The following DSCAM variants were observed in gnomAD, a reference collection of about 807,000 sequenced individuals.
The protein encoded by DSCAM is cell adhesion molecule DSCAM.
Under a neutral mutation model 217.7 loss-of-function variants are expected in DSCAM, and 47 were observed. The ratio of observed to expected loss-of-function variants is 0.22; its 90% CI spans 0.17 to 0.28. The LOEUF is 0.28. Ranked by LOEUF, DSCAM falls within the 10% of genes least tolerant of loss-of-function variation. The probability of loss-of-function intolerance (pLI) is 1.00; values close to 1 mark genes in which losing one functional copy is unlikely to be tolerated. For synonymous variants in DSCAM, 1,056 were observed against 1,015.3 expected (o/e 1.04, Z -0.76); for missense variants, 2,080 against 2,618.3 (o/e 0.79, Z 4.49).
chr21:40,459,305 A>G (rs1028161656), intron 3 of DSCAM, among the ~76,000 whole-genome samples: 1 of 152,172 alleles, frequency 6.6e-6, no homozygotes, highest in Admixed American at 6.5e-5. Flanking sequence ...ATGCTAGAAC[A>G]TACCATTCGA....
chr21:40,391,495 A>G (rs1402224604), intron 3 of DSCAM, among the ~76,000 whole-genome samples: 1 of 152,258 alleles, frequency 6.6e-6, no homozygotes, highest in Admixed American at 6.5e-5. Context: ...TAATACAACC[A>G]TAGAGCATTT....
At chr21:40,725,029 A>C (rs966877498) in intron 1 of DSCAM, among the ~76,000 whole-genome samples, 5 of 151,404 alleles carry the variant, frequency 3.3e-5, no homozygotes, top group African/African-American at 1.2e-4. Flanking sequence ...AAAACTTTGA[A>C]AGACTCTTTA....
intron 3 of DSCAM, among the ~76,000 whole-genome samples, chr21:40,378,168 T>C (rs2074981676): frequency 6.6e-6 from 1 of 152,204 alleles, no homozygotes; most frequent in Non-Finnish European, 1.5e-5. Flanking sequence ...CAACTTAATA[T>C]TGCAAAAATG....
intron 8 of DSCAM, among the ~76,000 whole-genome samples, chr21:40,328,529 T>A (rs967766649): frequency 1.3e-5 from 2 of 152,132 alleles, no homozygotes; most frequent in African/African-American, 2.4e-5. Flanking sequence ...ACTATGACAC[T>A]ACTAGGAGAA....
At chr21:40,401,999 T>C (rs1290537970) in intron 3 of DSCAM, among the ~76,000 whole-genome samples, 1 of 151,080 alleles carries the variant, frequency 6.6e-6, no homozygotes, top group Admixed American at 6.6e-5. Context: ...ACAGGGAACA[T>C]TTATGATTTC....
intron 1 of DSCAM, among the ~76,000 whole-genome samples, chr21:40,722,574 A>G (rs1398879952): frequency 6.6e-6 from 1 of 152,148 alleles, no homozygotes; most frequent in Non-Finnish European, 1.5e-5. Context: ...AATTTAAAAA[A>G]TACTCCATTA....
intron 2 of DSCAM, among the ~76,000 whole-genome samples, chr21:40,699,252 A>C (rs1212378477): frequency 6.6e-6 from 1 of 152,210 alleles, no homozygotes; most frequent in East Asian, 1.9e-4. Flanking sequence ...TAATCAATAC[A>C]GGTCATATGT....
intron 3 of DSCAM, among the ~76,000 whole-genome samples, chr21:40,378,980 A>G (rs2074994014): frequency 6.6e-6 from 1 of 152,242 alleles, no homozygotes; most frequent in South Asian, 2.1e-4. Flanking sequence ...CTGCAGTTAC[A>G]TAAAAGACAG....
At chr21:40,368,954 A>G (rs2074863816) in intron 4 of DSCAM, 145 bp downstream of exon 4, 8 of 896,724 alleles carry the variant, frequency 8.9e-6, no homozygotes, top group East Asian at 8.7e-5. Context: ...TTCATTTAAA[A>G]GAGTTTTAAA....
At chr21:40,472,183 A>C (rs543171720) in intron 3 of DSCAM, among the ~76,000 whole-genome samples, 1 of 152,214 alleles carries the variant, frequency 6.6e-6, no homozygotes, top group Admixed American at 6.5e-5. Flanking sequence ...TGGCAGTTTT[A>C]GTTCATTACA....
At chr21:40,424,762 C>A (rs2075456286) in intron 3 of DSCAM, among the ~76,000 whole-genome samples, 1 of 152,110 alleles carries the variant, frequency 6.6e-6, no homozygotes, top group Non-Finnish European at 1.5e-5. Context: ...GCTTTCTTAT[C>A]TTTAATCTAA....
chr21:40,815,497 C>T (rs901880270), intron 1 of DSCAM, among the ~76,000 whole-genome samples: 3 of 152,136 alleles, frequency 2.0e-5, no homozygotes, highest in African/African-American at 4.8e-5. Flanking sequence ...CAAAATTTTC[C>T]ACCACTAATC....
intron 15 of DSCAM, among the ~76,000 whole-genome samples, chr21:40,169,386 A>G (rs1362242927): frequency 6.6e-6 from 1 of 152,256 alleles, no homozygotes; most frequent in East Asian, 1.9e-4. Context: ...GAAAATGGCT[A>G]TGGTCTATAG....
chr21:40,125,466 G>A (rs1463708254), intron 19 of DSCAM, among the ~76,000 whole-genome samples: 1 of 152,192 alleles, frequency 6.6e-6, no homozygotes, highest in Non-Finnish European at 1.5e-5. Context: ...TCCCTTGCAA[G>A]CCCCTGGAGA....
At chr21:40,482,193 A>G (rs1189627753) in intron 3 of DSCAM, among the ~76,000 whole-genome samples, 1 of 152,212 alleles carries the variant, frequency 6.6e-6, no homozygotes, top group Non-Finnish European at 1.5e-5. Context: ...TTTTATTCAC[A>G]TAATTGCATT....
intron 3 of DSCAM, 148 bp downstream of exon 3, chr21:40,692,662 T>C: frequency 2.0e-6 from 2 of 998,408 alleles, no homozygotes; most frequent in Non-Finnish European, 2.8e-6. Flanking sequence ...AAACACTTAT[T>C]TCAGGTTTAC....
intron 32 of DSCAM, among the ~76,000 whole-genome samples, chr21:40,019,113 T>C (rs1308182446): frequency 6.6e-6 from 1 of 152,364 alleles, no homozygotes; most frequent in Admixed American, 6.5e-5. Context: ...CCCCAGCCCA[T>C]GTGCTCATCA....
chr21:40,676,915 C>A (rs1234794744), intron 3 of DSCAM, among the ~76,000 whole-genome samples: 1 of 152,100 alleles, frequency 6.6e-6, no homozygotes, highest in Non-Finnish European at 1.5e-5. Flanking sequence ...CTCCCTGGCT[C>A]TCCACCGAGG....
Position 40,634,371 on chromosome 21 carries a change from C to T in DSCAM, c.508+58439G>A, listed in dbSNP as rs897362879. Among the ~76,000 whole-genome samples, 3 of 152,138 alleles carry T rather than the reference C, an allele frequency of 2.0e-5. No individual in the cohort carries two copies. The South Asian group carries it at 6.2e-4, about 32-fold the overall frequency. On this transcript the variant is annotated intron_variant, in intron 3 of 32. Coordinates refer to ENST00000400454, the MANE Select transcript of DSCAM (RefSeq NM_001389.5). Reference sequence around the variant, plus strand: ...ACACAGAGGGACTTTGTGACGGAACCGTGTTTCCCCACTCAGCTCTTCACT... The same window carrying T: ...ACACAGAGGGACTTTGTGACGGAACTGTGTTTCCCCACTCAGCTCTTCACT...
Sources: allele counts gnomAD v4.1 joint callset (sites outside exome capture counted in the v4.1 genomes callset), GRCh38; gene constraint gnomAD v4.1.1; transcripts MANE v1.5; gene names NCBI Gene and HGNC (gene_info 2026-07-23, HGNC 2026-07-21).